The following COP1 variants were observed in gnomAD, a reference collection of about 807,000 sequenced individuals.
COP1 encodes the protein E3 ubiquitin-protein ligase COP1.
COP1 carries 24 observed loss-of-function variants against 101.3 expected under a neutral mutation model. That is an observed-to-expected ratio of 0.24 (90% CI 0.17 to 0.33). COP1 has a LOEUF of 0.33. COP1 is among the 10% of genes least tolerant of loss of function. The pLI, the probability that COP1 is intolerant of heterozygous loss-of-function variation, is 1.00. For missense variants in COP1, 663 were observed against 906.2 expected, an observed-to-expected ratio of 0.73 and a Z score of 3.45; for synonymous variants, 347 against 341.9, an observed-to-expected ratio of 1.01 and a Z score of -0.17.
intron 18 of COP1, among the ~76,000 whole-genome samples, chr1:175,972,283 C>G (rs1271738751): frequency 6.6e-6 from 1 of 152,006 alleles, no homozygotes; most frequent in Non-Finnish European, 1.5e-5. Context: ...TTGAAAAATA[C>G]TAATACACAT....
chr1:176,133,802 A>G (rs1381379311), intron 8 of COP1: 2 of 446,036 alleles, frequency 4.5e-6, no homozygotes, highest in Non-Finnish European at 8.9e-6. Flanking sequence ...ATTATTAGTG[A>G]ACTTTTTGTG....
At chr1:176,101,870 C>G (rs1572240949) in intron 9 of COP1, among the ~76,000 whole-genome samples, 2 of 152,248 alleles carry the variant, frequency 1.3e-5, no homozygotes, top group South Asian at 2.1e-4. Flanking sequence ...CCCAAAACAG[C>G]ACACCCTGTC....
intron 9 of COP1, among the ~76,000 whole-genome samples, chr1:176,097,342 G>T (rs1572211957): frequency 6.6e-6 from 1 of 152,172 alleles, no homozygotes; most frequent in Middle Eastern, 3.4e-3. Context: ...AAAGCAAATA[G>T]ATCCCTCTCA....
chr1:176,021,941 T>C (rs538722141), intron 15 of COP1, among the ~76,000 whole-genome samples: 1 of 152,254 alleles, frequency 6.6e-6, no homozygotes, highest in Non-Finnish European at 1.5e-5. Flanking sequence ...TTGTTAACTT[T>C]CGTGTTCACA....
rs61267982 is a variant in COP1 at position 176,049,178 on chromosome 1, CAAAAAAAAAAA to C, written c.1278-2865_1278-2855del. On this transcript the variant is annotated intron_variant, in intron 11 of 19. Coordinates refer to ENST00000367669, the MANE Select transcript of COP1 (RefSeq NM_022457.7). The stretch of plus-strand genomic sequence containing the variant: ...TGGGCAACAGAGCGAGACTCCGTCT[CAAAAAAAAAAA>C]AAAAAAAAAAAAAAGAATTAAGATG... 1.8e-3 allele frequency among the ~76,000 whole-genome samples: 214 copies of C among 118,344 alleles called. 1 individual carries two copies. Among genetic ancestry groups the C allele is most frequent in the East Asian group, 9.0e-3 (40 of 4,462 alleles). The allele number at this position is 118,344 out of a possible 152,430, so 77.6% of individuals were successfully genotyped here. A position where few individuals can be genotyped will look rare whatever the true frequency, so the allele number is the denominator to read the frequency against.
Position 176,206,633 on chromosome 1 carries a change from G to A in COP1, c.346C>T (p.Leu116Phe). 6.2e-6 allele frequency: 10 copies of A among 1,612,094 alleles called. No homozygotes were observed. Among genetic ancestry groups the A allele is most frequent in the Non-Finnish European group, 8.5e-6 (10 of 1,179,996 alleles). ...ATGAGCCCGTTGCAGAGGGGGGCGA[G>A]GAGAGGTCGCTTCCTGCTGCCGCTG... ...LGSGSRKRPL[L>F]APLCNGLINS... Residue 116 changes from leucine to phenylalanine, a missense_variant, in exon 1 of 20, where the codon CTC becomes TTC. Transcript: ENST00000367669.
chr1:176,028,696 C>CATTCATATAT (rs1668113965), intron 14 of COP1, among the ~76,000 whole-genome samples: 1 of 47,906 alleles, frequency 2.1e-5, no homozygotes, highest in African/African-American at 7.1e-5. Flanking sequence ...ATATTTGTTT[C>CATTCATATAT]ATATATATAT....
chr1:176,176,114 CTAAT>C (rs1011847037), intron 2 of COP1, 107 bp from the exon 3 acceptor site: 1 of 601,748 alleles, frequency 1.7e-6, no homozygotes, highest in African/African-American at 1.9e-5. Flanking sequence ...TTCAACATAA[CTAAT>C]CTAATAAATT....
intron 1 of COP1, among the ~76,000 whole-genome samples, chr1:176,194,923 TAA>T (rs35351772): frequency 2.1e-5 from 3 of 143,952 alleles, no homozygotes; most frequent in African/African-American, 5.1e-5. Flanking sequence ...AAAATAAAAT[TAA>T]AAAAAAAAAA....
chr1:175,949,194 G>GAAAAAAAAA (rs1649567940), intron 18 of COP1, among the ~76,000 whole-genome samples: 7 of 35,788 alleles, frequency 2.0e-4, no homozygotes, highest in Admixed American at 3.1e-4. Flanking sequence ...AAAAAAAAAT[G>GAAAAAAAAA]AACATGGGTA....
chr1:176,158,364 C>T (rs912887089), intron 5 of COP1, among the ~76,000 whole-genome samples: 1 of 152,050 alleles, frequency 6.6e-6, no homozygotes, highest in South Asian at 2.1e-4. Context: ...ATTCGCCTCT[C>T]GCCGTCCTGC....
intron 1 of COP1, among the ~76,000 whole-genome samples, chr1:176,190,656 T>C (rs1214852778): frequency 2.0e-5 from 3 of 152,006 alleles, no homozygotes; most frequent in Non-Finnish European, 2.9e-5. Flanking sequence ...CCAAGTAACA[T>C]CGTTAATCAG....
Position 176,067,976 on chromosome 1 carries a change from C to T in COP1, c.1277+13176G>A, listed in dbSNP as rs187481956. Among the ~76,000 whole-genome samples the T allele has an allele frequency of 1.1e-4, 17 of 152,294 alleles. No individual in the cohort carries two copies. The East Asian group carries it at 2.7e-3, about 24-fold the overall frequency. On this transcript the variant is annotated intron_variant, in intron 11 of 19. Transcript: ENST00000367669. ...CCAAAGAAACAAGCCACACCCCCATCGCACACCCTGCAAGGGGGACAAGGG... is the reference window on the plus strand; with the variant it reads ...CCAAAGAAACAAGCCACACCCCCATTGCACACCCTGCAAGGGGGACAAGGG...
At chr1:176,144,438 C>G (rs1183527013) in intron 6 of COP1, among the ~76,000 whole-genome samples, 1 of 151,988 alleles carries the variant, frequency 6.6e-6, no homozygotes, top group East Asian at 1.9e-4. Flanking sequence ...TTTTAAAGAT[C>G]TAAATATAGA....
At chr1:176,095,243 T>A (rs1682115119) in intron 9 of COP1, among the ~76,000 whole-genome samples, 1 of 152,232 alleles carries the variant, frequency 6.6e-6, no homozygotes, top group Middle Eastern at 3.2e-3. Context: ...GCAGATTTAA[T>A]GACTAGCTTT....
intron 2 of COP1, among the ~76,000 whole-genome samples, chr1:176,178,588 AC>A (rs1321784087): frequency 3.3e-5 from 5 of 152,330 alleles, no homozygotes; most frequent in African/African-American, 1.2e-4. Flanking sequence ...GCAGTGGCTC[AC>A]ACCTGTAATT....
intron 7 of COP1, among the ~76,000 whole-genome samples, chr1:176,135,409 T>C (rs1260965371): frequency 6.6e-6 from 1 of 152,086 alleles, no homozygotes; most frequent in African/African-American, 2.4e-5. Context: ...CATTATACTA[T>C]GTGAATAGTG....
chr1:175,950,035 T>G lies in COP1; in HGVS notation c.2134-2796A>C, dbSNP rs141226299. 3.5e-3 allele frequency among the ~76,000 whole-genome samples: 539 copies of G among 152,278 alleles called. 2 individuals are homozygous for G. The highest frequency in any genetic ancestry group is 0.014 in the Middle Eastern group (4 of 294). ...TACCACACAAGAGGAGTTTAAAATA[T>G]GTACAATTACCACTCTAAACCCAAG... is the stretch of plus-strand genomic sequence containing the variant. On this transcript the variant is annotated intron_variant, in intron 18 of 19. Coordinates refer to ENST00000367669, the MANE Select transcript of COP1 (RefSeq NM_022457.7).
At chr1:176,081,012 T>C in intron 11 of COP1, 140 bp downstream of exon 11, 2 of 721,778 alleles carry the variant, frequency 2.8e-6, no homozygotes, top group Non-Finnish European at 4.6e-6. Flanking sequence ...GCTCAGGAAC[T>C]TGCCTAAAAT....
Sources: allele counts gnomAD v4.1 joint callset (sites outside exome capture counted in the v4.1 genomes callset), GRCh38; gene constraint gnomAD v4.1.1; transcripts MANE v1.5; gene names NCBI Gene and HGNC (gene_info 2026-07-23, HGNC 2026-07-21).